TNKS1BP1: variants seen among roughly 807,000 people sequenced by gnomAD.
TNKS1BP1 encodes the protein 182 kDa tankyrase-1-binding protein.
In TNKS1BP1, 48 loss-of-function variants were observed where a neutral mutation model predicts 141.1. The ratio of observed to expected loss-of-function variants is 0.34; its 90% CI spans 0.27 to 0.43. TNKS1BP1 has a LOEUF of 0.43. TNKS1BP1 is among the 20% of genes least tolerant of loss of function. The probability of loss-of-function intolerance (pLI) is 1.00; values close to 1 mark genes in which losing one functional copy is unlikely to be tolerated. For synonymous variants in TNKS1BP1, 875 were observed against 898.2 expected, an observed-to-expected ratio of 0.97 and a Z score of 0.46; for missense variants, 2,149 against 2,226.0, an observed-to-expected ratio of 0.97 and a Z score of 0.70.
At chr11:57,314,551 C>T (rs1265676014) in intron 4 of TNKS1BP1, among the ~76,000 whole-genome samples, 1 of 152,214 alleles carries the variant, frequency 6.6e-6, no homozygotes, top group African/African-American at 2.4e-5. Context: ...CTCTGAGCCT[C>T]AGCTTCCCCA....
intron 4 of TNKS1BP1, 112 bp from the exon 5 acceptor site, chr11:57,314,001 C>A (rs4939135): frequency 0.69 from 868,559 of 1,251,846 alleles, 302,367 homozygotes; most frequent in Admixed American, 0.72. Context: ...TGGGAGGAGG[C>A]AACTGGAACC....
In TNKS1BP1 at chr11:57,302,846, G is replaced by A. The variant is rs749202344; in HGVS notation, c.4317-21C>T. 4 of 1,497,764 alleles carry A rather than the reference G, an allele frequency of 2.7e-6. No homozygotes were observed. The highest frequency in any genetic ancestry group is 2.2e-5 in the Admixed American group (1 of 45,460). The allele number at this position is 1,497,764 out of a possible 1,614,324, so 92.8% of individuals were successfully genotyped here. A position where few individuals can be genotyped will look rare whatever the true frequency, so the allele number is the denominator to read the frequency against. Reference sequence around the variant, plus strand: ...CAGGGCTGTAAAGGGGACAGAGAGAGAACGAGATCATCGTAAGGCCCCATC... The same window carrying A: ...CAGGGCTGTAAAGGGGACAGAGAGAAAACGAGATCATCGTAAGGCCCCATC... On this transcript the variant is annotated intron_variant, in intron 6 of 11. Coordinates refer to ENST00000358252, the MANE Select transcript of TNKS1BP1 (RefSeq NM_033396.3). This position sits in a 1 kb window ranked among gnomAD's most constrained non-coding sequence, Gnocchi z 5.5.
intron 10 of TNKS1BP1, 114 bp downstream of exon 10, chr11:57,300,770 C>G: frequency 2.0e-6 from 3 of 1,514,698 alleles, no homozygotes; most frequent in Non-Finnish European, 1.8e-6. Flanking sequence ...TGGGGCATGT[C>G]CGACTGAGGT....
At chr11:57,311,698 T>G (rs955361754) in intron 5 of TNKS1BP1, among the ~76,000 whole-genome samples, 1 of 150,712 alleles carries the variant, frequency 6.6e-6, no homozygotes, top group Non-Finnish European at 1.5e-5. Flanking sequence ...GCTTGAGAAA[T>G]AAATTTCGAA....
chr11:57,304,499 C>T (rs1218822426), intron 6 of TNKS1BP1, among the ~76,000 whole-genome samples: 1 of 152,148 alleles, frequency 6.6e-6, no homozygotes, highest in Non-Finnish European at 1.5e-5. Context: ...GGCAACAGCA[C>T]CCCACCCAGA....
chr11:57,301,980 C>T (rs1384469063), intron 8 of TNKS1BP1, 37 bp from the exon 9 acceptor site: 1 of 1,610,052 alleles, frequency 6.2e-7, no homozygotes, highest in Admixed American at 1.7e-5. Flanking sequence ...GAAAAGGCAG[C>T]ACACCCAGAC....
In TNKS1BP1 at chr11:57,301,007, T is replaced by C; in HGVS notation, c.5006A>G (p.Glu1669Gly). ...CGACTTGCTCTCAGCCAGCTCTCCC[T>C]CCTCAGCTGAGCGATTCCGGGGGCG... is the stretch of plus-strand genomic sequence containing the variant. Reference protein sequence around the residue: ...KLRPRNRSAEEGELAESKSSQ... With the variant: ...KLRPRNRSAEGGELAESKSSQ... Residue 1669 changes from glutamate (E) to glycine (G), a missense_variant, in exon 10 of 12, where the codon GAG becomes GGG. By Grantham distance (98) the Glu-to-Gly change is moderately conservative. Coordinates refer to ENST00000358252, the MANE Select transcript of TNKS1BP1 (RefSeq NM_033396.3). The C allele has an allele frequency of 6.2e-7, 1 of 1,613,716 alleles. No individual in the cohort carries two copies. The highest frequency in any genetic ancestry group is 8.5e-7 in the Non-Finnish European group (1 of 1,179,862).
intron 6 of TNKS1BP1, among the ~76,000 whole-genome samples, chr11:57,306,233 G>A (rs902608032): frequency 2.7e-5 from 4 of 148,868 alleles, no homozygotes; most frequent in African/African-American, 7.6e-5. Context: ...AGCCAAGATC[G>A]CACCACTGCA....
At chr11:57,306,295 A>AAAG (rs60916068) in intron 6 of TNKS1BP1, among the ~76,000 whole-genome samples, 4 of 150,924 alleles carry the variant, frequency 2.7e-5, no homozygotes, top group Admixed American at 6.6e-5. Flanking sequence ...CAAAAAAAAA[A>AAAG]AGAGAAAGTG....
In TNKS1BP1 at chr11:57,309,080, T is replaced by C; in HGVS notation, c.3631A>G (p.Ser1211Gly). ...CCCCCCGGCTCTTCAGACCCTCCAC[T>C]TTCCAAACAGCCGGTCAGGTTCATG... is the stretch of plus-strand genomic sequence containing the variant. The part of the protein sequence containing the change: ...RDMNLTGCLE[S>G]GGSEEPGGIG... Residue 1211 changes from serine (S) to glycine (G), a missense_variant, in exon 6 of 12, where the codon AGT (serine) becomes GGT (glycine). Coordinates refer to ENST00000358252, the MANE Select transcript of TNKS1BP1 (RefSeq NM_033396.3). The surrounding 1 kb of genome is among the most constrained non-coding windows in gnomAD (Gnocchi z 4.3). 1.2e-6 allele frequency: 2 copies of C among 1,614,054 alleles called. No individual in the cohort carries two copies. The highest frequency in any genetic ancestry group is 2.7e-5 in the African/African-American group (2 of 75,004).
At chr11:57,315,307 C>A (rs1019193179) in intron 4 of TNKS1BP1, among the ~76,000 whole-genome samples, 1 of 151,904 alleles carries the variant, frequency 6.6e-6, no homozygotes, top group Non-Finnish European at 1.5e-5. Context: ...TAGCACAGCC[C>A]CTTAACCCTA....
In TNKS1BP1 at chr11:57,302,981, G is replaced by C. The variant is rs892836517; in HGVS notation, c.4317-156C>G. On this transcript the variant is annotated intron_variant, in intron 6 of 11. Coordinates refer to ENST00000358252, the MANE Select transcript of TNKS1BP1 (RefSeq NM_033396.3). This position sits in a 1 kb window ranked among gnomAD's most constrained non-coding sequence, Gnocchi z 5.5. ...TCCAAGGACACGGTCAGGGCCTTGAGCAACACAGCACACAGGTGAAGAGCT... is the reference window on the plus strand; with the variant it reads ...TCCAAGGACACGGTCAGGGCCTTGACCAACACAGCACACAGGTGAAGAGCT... 5.6e-6 allele frequency: 5 copies of C among 888,866 alleles called. No individual in the cohort carries two copies. The African/African-American group carries it at 8.4e-5, about 15-fold the overall frequency. The allele number at this position is 888,866 out of a possible 1,614,324, so 55.1% of individuals were successfully genotyped here. A position where few individuals can be genotyped will look rare whatever the true frequency, so the allele number is the denominator to read the frequency against.
intron 2 of TNKS1BP1, 150 bp from the exon 3 acceptor site, chr11:57,320,862 G>T: frequency 1.0e-6 from 1 of 982,284 alleles, no homozygotes; most frequent in Non-Finnish European, 1.4e-6. Context: ...CTTCCATGAA[G>T]CCTTCCTTGA....
Position 57,302,385 on chromosome 11 carries a change from G to A in TNKS1BP1, c.4683+74C>T. The A allele has an allele frequency of 6.5e-7, 1 of 1,544,794 alleles. No homozygotes were observed. Among genetic ancestry groups the A allele is most frequent in the Non-Finnish European group, 8.8e-7 (1 of 1,142,614 alleles). On this transcript the variant is annotated intron_variant, in intron 7 of 11. Coordinates refer to ENST00000358252, the MANE Select transcript of TNKS1BP1 (RefSeq NM_033396.3). The surrounding 1 kb of genome is among the most constrained non-coding windows in gnomAD (Gnocchi z 5.5). ...CTGCCTCCTGGACTGGGACTGCTCAGGGAAGCTCCAGGAATGGGGCTCTCG... is the reference window on the plus strand; with the variant it reads ...CTGCCTCCTGGACTGGGACTGCTCAAGGAAGCTCCAGGAATGGGGCTCTCG...
At chr11:57,314,072 T>A (rs1377832784) in intron 4 of TNKS1BP1, among the ~76,000 whole-genome samples, 183 bp from the exon 5 acceptor site, 4 of 152,148 alleles carry the variant, frequency 2.6e-5, no homozygotes. Flanking sequence ...GCAGGACTTC[T>A]CACAGAGCCC....
intron 3 of TNKS1BP1, among the ~76,000 whole-genome samples, chr11:57,318,871 G>A (rs565406172): frequency 2.4e-4 from 36 of 152,310 alleles, no homozygotes; most frequent in African/African-American, 6.0e-4. Flanking sequence ...CTCGCAGGGC[G>A]CAGTGGCTCA....
chr11:57,320,721 A>G lies in TNKS1BP1; in HGVS notation c.95-9T>C. 2 of 1,560,274 alleles carry G rather than the reference A, an allele frequency of 1.3e-6. No homozygotes were observed. The highest frequency in any genetic ancestry group is 1.7e-6 in the Non-Finnish European group (2 of 1,153,176). On this transcript the variant is annotated splice_polypyrimidine_tract_variant and intron_variant, in intron 2 of 11. Coordinates refer to ENST00000358252, the MANE Select transcript of TNKS1BP1 (RefSeq NM_033396.3). ...TTTGGCCCGAGTGTCACCTACCAAAAGGAAAGGGTTGGTGGGGGAGCTGTC... is the reference window on the plus strand; with the variant it reads ...TTTGGCCCGAGTGTCACCTACCAAAGGGAAAGGGTTGGTGGGGGAGCTGTC...
At position 57,301,891 on chromosome 11, in the gene TNKS1BP1, A is replaced by G; in HGVS notation, c.4887T>C (p.Pro1629=). The change falls in exon 9 of 12, where the codon CCT becomes CCC. Residue 1629 remains proline, a synonymous_variant. Coordinates refer to ENST00000358252, the MANE Select transcript of TNKS1BP1 (RefSeq NM_033396.3). ...PSSDEEVVEE[P]QSRRTRMSLG... ...ACGACATCCGTGTCCGGCGGCTCTG[A>G]GGTTCCTCCACTACCTCTTCATCTG... 2 of 1,614,112 alleles carry G rather than the reference A, an allele frequency of 1.2e-6. No homozygotes were observed. The highest frequency in any genetic ancestry group is 8.5e-7 in the Non-Finnish European group (1 of 1,180,020).
Position 57,320,548 on chromosome 11 carries a change from G to T in TNKS1BP1, c.259C>A (p.Pro87Thr). The T allele has an allele frequency of 6.2e-7, 1 of 1,614,106 alleles. No homozygotes were observed. The highest frequency in any genetic ancestry group is 8.5e-7 in the Non-Finnish European group (1 of 1,179,996). ...SARKMNMLAG[P>T]QPYGGSKRPL... ...CGCTTGCTGCCACCATAGGGCTGGG[G>T]TCCTGCCAGCATGTTCATCTTCCTG... Residue 87 changes from proline to threonine, a missense_variant, in exon 3 of 12, where the codon CCC becomes ACC. Transcript: ENST00000358252.
Sources: allele counts gnomAD v4.1 joint callset (sites outside exome capture counted in the v4.1 genomes callset), GRCh38; gene constraint gnomAD v4.1.1; non-coding constraint Gnocchi (gnomAD v3.1); transcripts MANE v1.5; gene names NCBI Gene and HGNC (gene_info 2026-07-23, HGNC 2026-07-21).